SNTG1: variants seen among roughly 807,000 people sequenced by gnomAD.
The protein encoded by SNTG1 is syntrophin gamma 1.
In SNTG1, 39 loss-of-function variants were observed where a neutral mutation model predicts 74.7. The ratio of observed to expected loss-of-function variants is 0.52; its 90% confidence interval spans 0.40 to 0.68. The LOEUF (loss-of-function observed/expected upper bound fraction) is 0.68. Ranked by LOEUF, SNTG1 falls within the 30% of genes least tolerant of loss-of-function variation. SNTG1 has a pLI of 0.00. For missense variants in SNTG1, 685 were observed against 609.5 expected (o/e 1.12, Z -1.30); for synonymous variants, 254 against 217.1 (o/e 1.17, Z -1.49).
chr8:50,692,854 G>T (rs2095387715), intron 15 of SNTG1, among the ~76,000 whole-genome samples: 1 of 152,262 alleles, frequency 6.6e-6, no homozygotes, highest in Admixed American at 6.5e-5. Flanking sequence ...CAGAGGCGGA[G>T]CCTACAGAGG....
chr8:50,645,855 A>G (rs2095105814), intron 13 of SNTG1, among the ~76,000 whole-genome samples: 1 of 151,650 alleles, frequency 6.6e-6, no homozygotes, highest in Non-Finnish European at 1.5e-5. Context: ...TCTCTGTTTT[A>G]GCCTCTCGGC....
In SNTG1 at chr8:50,558,342, T is replaced by C. The variant is rs555292021; in HGVS notation, c.810+5163T>C. On this transcript the variant is annotated intron_variant, in intron 12 of 18. Coordinates refer to ENST00000642720, the MANE Select transcript of SNTG1 (RefSeq NM_018967.5). ...ACAGCTGTTGGCTCGCAGAGGCCTC[T>C]TCCCAGGTCTCTGATCAGCAAGACA... 2.6e-5 allele frequency among the ~76,000 whole-genome samples: 4 copies of C among 152,286 alleles called. No homozygotes were observed. The South Asian group carries it at 6.2e-4, about 24-fold the overall frequency.
At chr8:50,639,416 T>G (rs1007829329) in intron 13 of SNTG1, among the ~76,000 whole-genome samples, 2 of 152,042 alleles carry the variant, frequency 1.3e-5, no homozygotes, top group East Asian at 3.8e-4. Flanking sequence ...ATTGCCTTTT[T>G]GTTTTTCTAT....
At chr8:50,592,535 AG>A (rs1327698834) in intron 13 of SNTG1, among the ~76,000 whole-genome samples, 2 of 152,200 alleles carry the variant, frequency 1.3e-5, no homozygotes, top group East Asian at 3.8e-4. Flanking sequence ...GCTTATACCC[AG>A]GTTTAGAATA....
At chr8:50,536,044 G>T (rs1055691750) in intron 10 of SNTG1, among the ~76,000 whole-genome samples, 2 of 152,066 alleles carry the variant, frequency 1.3e-5, no homozygotes, top group Non-Finnish European at 2.9e-5. Context: ...GAAGAAAAAA[G>T]CTCTAACAAA....
At chr8:49,945,795 A>G (rs1809128513) in intron 1 of SNTG1, among the ~76,000 whole-genome samples, 1 of 152,158 alleles carries the variant, frequency 6.6e-6, no homozygotes, top group East Asian at 1.9e-4. Context: ...CACATGGCCA[A>G]TCACATGGCC....
chr8:50,198,290 G>A (rs919926767), intron 2 of SNTG1, among the ~76,000 whole-genome samples: 19 of 152,196 alleles, frequency 1.2e-4, no homozygotes, highest in Admixed American at 1.2e-3. Context: ...GGGGAGAAGG[G>A]AAATAAATGC....
intron 2 of SNTG1, among the ~76,000 whole-genome samples, chr8:50,274,151 GAT>G (rs1407145098): frequency 1.3e-5 from 2 of 151,998 alleles, no homozygotes; most frequent in African/African-American, 4.8e-5. Flanking sequence ...GCAATGGCGA[GAT>G]CTTGGCTCAC....
intron 1 of SNTG1, among the ~76,000 whole-genome samples, chr8:50,001,583 A>C (rs919488295): frequency 6.6e-6 from 1 of 152,092 alleles, no homozygotes; most frequent in African/African-American, 2.4e-5. Context: ...CAACTTTCAG[A>C]GTTTCGTGGA....
intron 1 of SNTG1, among the ~76,000 whole-genome samples, chr8:49,956,371 T>C (rs187918411): frequency 2.6e-5 from 4 of 152,328 alleles, no homozygotes; most frequent in Admixed American, 2.0e-4. Context: ...TTCAGATAAC[T>C]GGCAATCTTC....
At chr8:50,176,042 C>T (rs901501745) in intron 2 of SNTG1, among the ~76,000 whole-genome samples, 3 of 152,230 alleles carry the variant, frequency 2.0e-5, no homozygotes, top group Admixed American at 1.3e-4. Context: ...TGGCTAGAGG[C>T]GGCCCCAGGC....
chr8:50,439,716 CTTTTTTT>C (rs60899125), intron 5 of SNTG1, among the ~76,000 whole-genome samples: 7 of 102,102 alleles, frequency 6.9e-5, no homozygotes, highest in African/African-American at 2.2e-4. Context: ...TTTTGTTTTG[CTTTTTTT>C]TTTTTTTTTT....
At chr8:50,277,555 A>C (rs892544805) in intron 2 of SNTG1, among the ~76,000 whole-genome samples, 7 of 152,184 alleles carry the variant, frequency 4.6e-5, no homozygotes, top group African/African-American at 1.7e-4. Flanking sequence ...TTTGGCTGAT[A>C]GTTGTTATAA....
At chr8:49,946,379 C>A (rs575125231) in intron 1 of SNTG1, among the ~76,000 whole-genome samples, 4 of 152,124 alleles carry the variant, frequency 2.6e-5, no homozygotes, top group Admixed American at 2.6e-4. Flanking sequence ...ACAATGAGAC[C>A]GTGAATAAAA....
chr8:50,162,962 T>C (rs2082475753), intron 1 of SNTG1, among the ~76,000 whole-genome samples: 1 of 152,204 alleles, frequency 6.6e-6, no homozygotes, highest in Non-Finnish European at 1.5e-5. Flanking sequence ...GAAGCCTTTC[T>C]AATGGCTCAG....
intron 18 of SNTG1, among the ~76,000 whole-genome samples, chr8:50,752,598 C>T (rs2095570359): frequency 6.6e-6 from 1 of 151,684 alleles, no homozygotes; most frequent in African/African-American, 2.4e-5. Flanking sequence ...TGCATTATCC[C>T]AGTATAGAGA....
Position 50,627,824 on chromosome 8 carries a change from G to A in SNTG1, c.850-29085G>A, listed in dbSNP as rs78274943. 3.1e-4 allele frequency among the ~76,000 whole-genome samples: 47 copies of A among 152,312 alleles called. No homozygotes were observed. In the East Asian group the frequency reaches 8.5e-3, roughly 28 times the overall value. On this transcript the variant is annotated intron_variant, in intron 13 of 18. Coordinates refer to ENST00000642720, the MANE Select transcript of SNTG1 (RefSeq NM_018967.5). ...TCCATGTCTCCTTCAGGAACATGGG[G>A]TGCTACCCTCCAGGAACACGTTCAG...
chr8:50,466,376 G>C (rs888837059), intron 8 of SNTG1, among the ~76,000 whole-genome samples: 4 of 151,370 alleles, frequency 2.6e-5, no homozygotes, highest in African/African-American at 9.7e-5. Context: ...GCTATTTCTG[G>C]TCTTTTTGTT....
chr8:50,230,542 G>C (rs905851714), intron 2 of SNTG1, among the ~76,000 whole-genome samples: 3 of 151,272 alleles, frequency 2.0e-5, no homozygotes, highest in Non-Finnish European at 4.4e-5. Context: ...TTACTATTAA[G>C]GAAATAGAAA....
Sources: allele counts gnomAD v4.1 joint callset (sites outside exome capture counted in the v4.1 genomes callset), GRCh38; gene constraint gnomAD v4.1.1; transcripts MANE v1.5; gene names NCBI Gene and HGNC (gene_info 2026-07-23, HGNC 2026-07-21).